Variants in PSMB9 observed in about 807,000 individuals in gnomAD.
The protein encoded by PSMB9 is proteasome subunit beta type-9.
In PSMB9, 16 loss-of-function variants were observed where a neutral mutation model predicts 26.9. The ratio of observed to expected loss-of-function variants is 0.59; its 90% CI spans 0.40 to 0.90. The LOEUF is 0.90. Among genes scored for constraint, PSMB9 ranks in the 40% least tolerant of loss-of-function variants. PSMB9 has a pLI of 0.00. For synonymous variants in PSMB9, 91 were observed against 112.0 expected, an observed-to-expected ratio of 0.81 and a Z score of 1.18; for missense variants, 253 against 292.2, an observed-to-expected ratio of 0.87 and a Z score of 0.98.
chr6:32,855,958 A>G, intron 1 of PSMB9, 180 bp from the exon 2 acceptor site: 1 of 590,854 alleles, frequency 1.7e-6, no homozygotes, highest in Non-Finnish European at 3.0e-6. Context: ...AGCCGGATGA[A>G]GCAATAGAGA....
chr6:32,858,847 C>A lies in PSMB9; in HGVS notation c.532+342C>A. 5 of 381,726 alleles carry A rather than the reference C, an allele frequency of 1.3e-5. No individual in the cohort carries two copies. The highest frequency in any genetic ancestry group is 1.9e-5 in the Non-Finnish European group (4 of 206,656). 23.6% of individuals were successfully genotyped at this position (381,726 alleles called of 1,614,324 possible). On this transcript the variant is annotated intron_variant, in intron 5 of 5. Transcript: ENST00000374859. The surrounding 1 kb of genome is among the most constrained non-coding windows in gnomAD (Gnocchi z 5.2). ...CCCAGGAGTTTGAGGCCAGCCTAGG[C>A]AAGATGGTGAAACCCTGTCTCCACA...
intron 1 of PSMB9, among the ~76,000 whole-genome samples, chr6:32,855,250 C>A (rs1398244518): frequency 6.6e-6 from 1 of 152,130 alleles, no homozygotes. Context: ...AGAGTTAGAC[C>A]TGAATTTTAG....
chr6:32,857,820 C>A, intron 3 of PSMB9, 185 bp from the exon 4 acceptor site: 1 of 662,232 alleles, frequency 1.5e-6, no homozygotes, highest in Non-Finnish European at 2.5e-6. Flanking sequence ...AAAGAGTGAG[C>A]AATTGAAAGC....
chr6:32,857,894 T>G, intron 3 of PSMB9, 111 bp from the exon 4 acceptor site: 130 of 1,285,704 alleles, frequency 1.0e-4, no homozygotes, highest in Middle Eastern at 2.3e-4. Context: ...GGCTGCAGTT[T>G]GAGCTATTGC....
In PSMB9 at chr6:32,859,839, G is replaced by C. The variant is rs1449708812; in HGVS notation, c.*307G>C. 6.6e-6 allele frequency among the ~76,000 whole-genome samples: 1 copy of C among 152,190 alleles called. No individual in the cohort carries two copies. The highest frequency in any genetic ancestry group is 2.4e-5 in the African/African-American group (1 of 41,456). ...TCCGCATCATCATGCGGTCCATGAT[G>C]ATGAGGCCGCAAGTGAGGTGATGGG... On this transcript the variant is annotated 3_prime_UTR_variant, in exon 6 of 6. Transcript: ENST00000374859.
At position 32,858,401 on chromosome 6, in the gene PSMB9, C is replaced by T; in HGVS notation, c.428C>T (p.Pro143Leu). Residue 143 changes from proline (P) to leucine (L), a missense_variant, in exon 5 of 6, where the codon CCT becomes CTT. By Grantham distance (98) the Pro-to-Leu change is moderately conservative (BLOSUM62 -3). Transcript: ENST00000374859. This position sits in a 1 kb window ranked among gnomAD's most constrained non-coding sequence, Gnocchi z 5.2. Reference sequence around the variant, plus strand: ...CTGGGAGGAATGCTGACTCGACAGCCTTTTGCCATTGGTGGCTCCGGCAGC... The same window carrying T: ...CTGGGAGGAATGCTGACTCGACAGCTTTTTGCCATTGGTGGCTCCGGCAGC... ...GTLGGMLTRQ[P>L]FAIGGSGSTF... is the part of the protein sequence containing the mutation. The T allele has an allele frequency of 6.2e-7, 1 of 1,612,946 alleles. No homozygotes were observed.
rs536401885 is a variant in PSMB9, at chr6:32,857,456, C to T, written c.260+62C>T. The T allele has an allele frequency of 5.1e-4, 793 of 1,544,990 alleles. 2 individuals carry two copies. Among genetic ancestry groups the T allele is most frequent in the Admixed American group, 1.1e-3 (55 of 50,932 alleles). On this transcript the variant is annotated intron_variant, in intron 3 of 5. Coordinates refer to ENST00000374859, the MANE Select transcript of PSMB9 (RefSeq NM_002800.5). ...GAGCTCCCCCAACCTGCATGAATCCCTGTACAGTGTGCTGTTCCAGGAGCT... is the reference window on the plus strand; with the variant it reads ...GAGCTCCCCCAACCTGCATGAATCCTTGTACAGTGTGCTGTTCCAGGAGCT...
chr6:32,856,465 G>A (rs894642103), intron 2 of PSMB9: 2 of 399,840 alleles, frequency 5.0e-6, no homozygotes, highest in African/African-American at 4.1e-5. Context: ...CTGAGAGGGG[G>A]ACAGGAGATA....
intron 5 of PSMB9, 135 bp from the exon 6 acceptor site, chr6:32,859,270 C>T (rs904615236): frequency 2.0e-5 from 23 of 1,152,948 alleles, no homozygotes; most frequent in Non-Finnish European, 2.6e-5. Context: ...ACCAGCACAC[C>T]ACTAAATATG....
chr6:32,855,962 A>G, intron 1 of PSMB9, 176 bp from the exon 2 acceptor site: 1 of 595,870 alleles, frequency 1.7e-6, no homozygotes, highest in Non-Finnish European at 3.0e-6. Flanking sequence ...GGATGAAGCA[A>G]TAGAGAAAGT....
chr6:32,855,008 C>T (rs553248640), intron 1 of PSMB9, among the ~76,000 whole-genome samples: 2 of 152,278 alleles, frequency 1.3e-5, no homozygotes, highest in South Asian at 4.1e-4. Flanking sequence ...GGCTTGGGGG[C>T]GGCTTTGTTA....
rs769734499 is a variant in PSMB9 at position 32,857,268 on chromosome 6, C to T, written c.134C>T (p.Ala45Val). 8.8e-6 allele frequency: 14 copies of T among 1,598,056 alleles called. No homozygotes were observed. Among genetic ancestry groups the T allele is most frequent in the South Asian group, 2.2e-5 (2 of 89,758 alleles). Residue 45 changes from alanine to valine, a missense_variant, in exon 3 of 6, where the codon GCG becomes GTG. By Grantham distance (64) the Ala-to-Val change is moderately conservative. Coordinates refer to ENST00000374859, the MANE Select transcript of PSMB9 (RefSeq NM_002800.5). ...TGTTGACTCCCTCCTGACAGCGAGG[C>T]GGTGGTGAACCGAGTGTTTGACAAG... The part of the protein sequence containing the change: ...GSDSRVSAGE[A>V]VVNRVFDKLS...
rs150909909 is a variant in PSMB9, at chr6:32,858,076, G to A, written c.332G>A (p.Arg111Gln). The change falls in exon 4 of 6, where the codon CGA becomes CAA. Residue 111 changes from arginine to glutamine, a missense_variant. Coordinates refer to ENST00000374859, the MANE Select transcript of PSMB9 (RefSeq NM_002800.5). The surrounding 1 kb of genome is among the most constrained non-coding windows in gnomAD (Gnocchi z 5.2). Reference protein sequence around the residue: ...NVVRNISYKYREDLSAHLMVA... With the variant: ...NVVRNISYKYQEDLSAHLMVA... The stretch of plus-strand genomic sequence containing the variant: ...GTGAGAAATATCAGCTATAAATATC[G>A]AGAGGACTTGTCTGCACATCTCATG... 46 of 1,613,040 alleles carry A rather than the reference G, an allele frequency of 2.9e-5. No individual in the cohort carries two copies. The African/African-American group carries it at 3.7e-4, about 13-fold the overall frequency.
chr6:32,857,917 C>A, intron 3 of PSMB9, 88 bp from the exon 4 acceptor site: 1 of 1,520,872 alleles, frequency 6.6e-7, no homozygotes. Flanking sequence ...TTACAGTTTT[C>A]AGGGGTCGTT....
rs1771042433 is a variant in PSMB9, at chr6:32,854,322, G to A, written c.60+33G>A. The A allele has an allele frequency of 3.5e-6, 5 of 1,445,480 alleles. No homozygotes were observed. The highest frequency in any genetic ancestry group is 4.5e-6 in the Non-Finnish European group (5 of 1,099,324). The allele number at this position is 1,445,480 out of a possible 1,614,324, so 89.5% of individuals were successfully genotyped here. A position where few individuals can be genotyped will look rare whatever the true frequency, so the allele number is the denominator to read the frequency against. ...GTCTGGGCTTGAGGGTTGGCAGAGG[G>A]GTGGAGGAGATGCAGCGGCCAGGGG... is the stretch of plus-strand genomic sequence containing the variant. On this transcript the variant is annotated intron_variant, in intron 1 of 5. Coordinates refer to ENST00000374859, the MANE Select transcript of PSMB9 (RefSeq NM_002800.5). This position sits in a 1 kb window ranked among gnomAD's most constrained non-coding sequence, Gnocchi z 4.6.
At chr6:32,857,865 C>A in intron 3 of PSMB9, 140 bp from the exon 4 acceptor site, 2 of 943,440 alleles carry the variant, frequency 2.1e-6, no homozygotes, top group African/African-American at 1.6e-5. Context: ...CTCTGGTTCC[C>A]CTGTACATGT....
At chr6:32,856,359 G>T (rs1341321645) in intron 2 of PSMB9, 154 bp downstream of exon 2, 13 of 706,854 alleles carry the variant, frequency 1.8e-5, no homozygotes, top group African/African-American at 5.4e-5. Context: ...TATTTGGTGG[G>T]TGCTTGGGTC....
At chr6:32,855,684 A>G (rs1239172910) in intron 1 of PSMB9, among the ~76,000 whole-genome samples, 24 of 147,806 alleles carry the variant, frequency 1.6e-4, no homozygotes, top group Admixed American at 1.6e-3. Flanking sequence ...AGAGTGGAGG[A>G]TTGTGGACCA....
chr6:32,857,415 G>A (rs780114099), intron 3 of PSMB9, 21 bp downstream of exon 3: 1 of 1,608,486 alleles, frequency 6.2e-7, no homozygotes, highest in Non-Finnish European at 8.5e-7. Flanking sequence ...CTGGAGTTCT[G>A]ACTCCCCACC....
Sources: allele counts gnomAD v4.1 joint callset (sites outside exome capture counted in the v4.1 genomes callset), GRCh38; gene constraint gnomAD v4.1.1; non-coding constraint Gnocchi (gnomAD v3.1); transcripts MANE v1.5; gene names NCBI Gene and HGNC (gene_info 2026-07-23, HGNC 2026-07-21).